PLCH2: variants seen among roughly 807,000 people sequenced by gnomAD.
The protein encoded by PLCH2 is phospholipase C eta 2.
Under a neutral mutation model 134.7 loss-of-function variants are expected in PLCH2, and 98 were observed. The ratio of observed to expected loss-of-function variants is 0.73; its 90% CI spans 0.62 to 0.86. The LOEUF is 0.86. Ranked by LOEUF, PLCH2 falls within the 40% of genes least tolerant of loss-of-function variation. PLCH2 has a pLI of 0.00. For missense variants in PLCH2, 1,994 were observed against 1,986.6 expected, an observed-to-expected ratio of 1.00 and a Z score of -0.07; for synonymous variants, 974 against 827.5, an observed-to-expected ratio of 1.18 and a Z score of -3.04.
At position 2,479,983 on chromosome 1, in the gene PLCH2, C is replaced by T. The variant is rs763021203; in HGVS notation, c.515+6C>T. 4.4e-6 allele frequency: 7 copies of T among 1,601,886 alleles called. No individual in the cohort carries two copies. Among genetic ancestry groups the T allele is most frequent in the Non-Finnish European group, 5.1e-6 (6 of 1,171,890 alleles). On this transcript the variant is annotated splice_donor_region_variant and intron_variant, in intron 3 of 21. Coordinates refer to ENST00000378486, the MANE Select transcript of PLCH2 (RefSeq NM_014638.4). ...CGCCAGCGCACCAGGGACCAATATC[C>T]TTGGGCACCTATCGGGCAATGCAGA...
Position 2,486,901 on chromosome 1 carries a change from G to A in PLCH2, c.817-6G>A. 6.3e-7 allele frequency: 1 copy of A among 1,598,166 alleles called. No homozygotes were observed. Among genetic ancestry groups the A allele is most frequent in the Admixed American group, 1.7e-5 (1 of 58,062 alleles). On this transcript the variant is annotated splice_region_variant and splice_polypyrimidine_tract_variant and intron_variant, in intron 5 of 21. Coordinates refer to ENST00000378486, the MANE Select transcript of PLCH2 (RefSeq NM_014638.4). ...TGCCTGGACTCATGCCCCTGCTCTG[G>A]CCTAGATGGCGGGTGTGACCCTCGA...
In PLCH2 at chr1:2,455,468, G is replaced by A. The variant is rs186856975; in HGVS notation, c.116-23008G>A. On this transcript the variant is annotated intron_variant, in intron 2 of 3. Transcript: ENST00000609981. The stretch of plus-strand genomic sequence containing the variant: ...GGGAGACACCCCTCAGGGAGAGCAC[G>A]TAGGGGCACAGGGTCCCCAGAGAAG... Among the ~76,000 whole-genome samples, 102 of 152,312 alleles carry A rather than the reference G, an allele frequency of 6.7e-4. 1 individual carries two copies. The highest frequency in any genetic ancestry group is 2.4e-3 in the African/African-American group (98 of 41,560).
intron 2 of PLCH2, among the ~76,000 whole-genome samples, chr1:2,436,044 TC>T (rs1639327678): frequency 1.5e-5 from 1 of 66,168 alleles, no homozygotes; most frequent in Non-Finnish European, 3.0e-5. Flanking sequence ...CCTCCTCCCT[TC>T]CTCTCTCCTT....
At chr1:2,476,242 A>T (rs912140313), upstream of PLCH2, 2 of 217,156 alleles carry the variant, frequency 9.2e-6, no homozygotes, top group East Asian at 1.9e-4. Flanking sequence ...GCTGGGCTGG[A>T]GCTGGGATTA....
chr1:2,480,006 A>G (rs1361434757), intron 3 of PLCH2, 29 bp downstream of exon 3: 17 of 1,595,190 alleles, frequency 1.1e-5, no homozygotes, highest in Non-Finnish European at 1.2e-5. Flanking sequence ...CGGGCAATGC[A>G]GACCCAGGGA....
intron 8 of PLCH2, among the ~76,000 whole-genome samples, chr1:2,488,950 T>C (rs1015354852): frequency 1.4e-4 from 22 of 152,222 alleles, no homozygotes; most frequent in African/African-American, 4.8e-4. Flanking sequence ...TTTTTTCTTA[T>C]TGGGGAAAGC....
At chr1:2,491,628 A>T (rs1642587598) in intron 11 of PLCH2, among the ~76,000 whole-genome samples, 1 of 152,176 alleles carries the variant, frequency 6.6e-6, no homozygotes, top group South Asian at 2.1e-4. Flanking sequence ...CCACGTGGGG[A>T]AGTTTCCACA....
chr1:2,462,067 G>T (rs1041831946), intron 2 of PLCH2, among the ~76,000 whole-genome samples: 1 of 128,018 alleles, frequency 7.8e-6, no homozygotes, highest in African/African-American at 3.0e-5. Flanking sequence ...TCCTCCACCT[G>T]ACACCACTCC....
chr1:2,447,921 G>T (rs1466766825), intron 2 of PLCH2, among the ~76,000 whole-genome samples: 1 of 152,204 alleles, frequency 6.6e-6, no homozygotes. Flanking sequence ...CGGGACTTTG[G>T]CAGGGCACTC....
At chr1:2,456,000 G>C (rs1405931504) in intron 2 of PLCH2, among the ~76,000 whole-genome samples, 1 of 152,264 alleles carries the variant, frequency 6.6e-6, no homozygotes, top group Admixed American at 6.5e-5. Context: ...GTAGGAGCTC[G>C]GCAAGTGGTG....
chr1:2,464,421 G>C (rs917734262), upstream of PLCH2, among the ~76,000 whole-genome samples: 1 of 152,258 alleles, frequency 6.6e-6, no homozygotes, highest in Non-Finnish European at 1.5e-5. Flanking sequence ...GCATGCACAC[G>C]AGTGCACAGA....
In PLCH2 at chr1:2,498,130, C is replaced by G. The variant is rs531015804; in HGVS notation, c.2225-393C>G. 7.5e-4 allele frequency: 199 copies of G among 267,112 alleles called. 1 individual carries two copies. Among genetic ancestry groups the G allele is most frequent in the African/African-American group, 4.0e-3 (182 of 45,454 alleles). The allele number at this position is 267,112 out of a possible 1,614,324, so 16.5% of individuals were successfully genotyped here. A position where few individuals can be genotyped will look rare whatever the true frequency, so the allele number is the denominator to read the frequency against. On this transcript the variant is annotated intron_variant, in intron 16 of 21. Coordinates refer to ENST00000378486, the MANE Select transcript of PLCH2 (RefSeq NM_014638.4). The surrounding 1 kb of genome is among the most constrained non-coding windows in gnomAD (Gnocchi z 5.4). ...AGGCCTCCCACTAGACCAGGCTACT[C>G]CTGCTGTGGACCAGCTACTTCCACC...
At chr1:2,470,690 G>T (rs1016899569) in intron 1 of PLCH2, among the ~76,000 whole-genome samples, 81 of 152,348 alleles carry the variant, frequency 5.3e-4, no homozygotes, top group African/African-American at 1.9e-3. Flanking sequence ...CTGGGGGCAG[G>T]GCTGGCTCTG....
intron 1 of PLCH2, among the ~76,000 whole-genome samples, chr1:2,477,868 C>T (rs549868801): frequency 3.3e-5 from 5 of 152,338 alleles, no homozygotes; most frequent in African/African-American, 1.2e-4. Flanking sequence ...GGAGATGCCC[C>T]AGGCAGGGGC....
chr1:2,503,662 G>A (rs182736555), intron 21 of PLCH2: 44 of 689,062 alleles, frequency 6.4e-5, no homozygotes, highest in Middle Eastern at 5.5e-4. Context: ...GCCCAGCCCC[G>A]GTGTCCCGTG....
the PLCH2 span, among the ~76,000 whole-genome samples, chr1:2,418,656 G>A: frequency 7.2e-5 from 11 of 152,250 alleles, no homozygotes; most frequent in Admixed American, 4.6e-4. Flanking sequence ...CTTCAGTCAG[G>A]CAAAGGCTCC....
At position 2,498,908 on chromosome 1, in the gene PLCH2, T is replaced by TGCCCTGCCCAGGC. The variant is rs1344795159; in HGVS notation, c.2434+81_2434+93dup. On this transcript the variant is annotated intron_variant, in intron 18 of 21. Transcript: ENST00000378486. The surrounding 1 kb of genome is among the most constrained non-coding windows in gnomAD (Gnocchi z 5.4). ...GTTGGGGCTACCTGGTGTGCCCGGGTGCCCTGCCCAGGCCTCCCTCAGTGA... is the reference window on the plus strand; with the variant it reads ...GTTGGGGCTACCTGGTGTGCCCGGGTGCCCTGCCCAGGCGCCCTGCCCAGGCCTCCCTCAGTGA... 1.5e-6 allele frequency: 2 copies of TGCCCTGCCCAGGC among 1,348,024 alleles called. No individual in the cohort carries two copies. Among genetic ancestry groups the TGCCCTGCCCAGGC allele is most frequent in the African/African-American group, 2.9e-5 (2 of 69,238 alleles). The allele number at this position is 1,348,024 out of a possible 1,614,324, so 83.5% of individuals were successfully genotyped here.
At chr1:2,436,894 T>C (rs1287848805) in intron 2 of PLCH2, among the ~76,000 whole-genome samples, 1 of 152,152 alleles carries the variant, frequency 6.6e-6, no homozygotes, top group Non-Finnish European at 1.5e-5. Flanking sequence ...ATGGCCCATC[T>C]GGTTAGAGTG....
At chr1:2,424,054 T>C (rs552236877), upstream of PLCH2, among the ~76,000 whole-genome samples, 3 of 152,302 alleles carry the variant, frequency 2.0e-5, no homozygotes, top group African/African-American at 7.2e-5. Flanking sequence ...GGCCTGTTTA[T>C]TTTTAAATTT....
Sources: gnomAD v4.1 joint callset for allele counts (sites outside exome capture counted in the v4.1 genomes callset) on GRCh38, gnomAD v4.1.1 for gene constraint, Gnocchi (gnomAD v3.1) non-coding constraint, MANE v1.5 for transcripts, NCBI Gene and HGNC (gene_info 2026-07-23, HGNC 2026-07-21) for gene names.